Variants in ZNF626 observed in about 807,000 individuals in gnomAD.
ZNF626 encodes the protein CTC-513N18.7.
ZNF626 carries 4 observed loss-of-function variants against 11.7 expected under a neutral mutation model. The ratio of observed to expected loss-of-function variants is 0.34; its 90% CI spans 0.17 to 0.78. ZNF626 has a LOEUF of 0.78. ZNF626 is among the 30% of genes least tolerant of loss of function. ZNF626 has a pLI of 0.57. For synonymous variants in ZNF626, 179 were observed against 198.6 expected (o/e 0.90, Z 0.83); for missense variants, 588 against 587.1 (o/e 1.00, Z -0.01).
rs1969774125 is a variant in ZNF626, at chr19:20,622,905, T to TC, written c.*1384_*1385insG. The TC allele has an allele frequency of 2.6e-5, 4 of 152,172 alleles. No individual in the cohort carries two copies. The South Asian group carries it at 8.3e-4, about 32-fold the overall frequency. 9.4% of individuals were successfully genotyped at this position (152,172 alleles called of 1,614,324 possible). ...CTGCTGTTTTCTAAGCTGTAGTTTT[T>TC]TTTTTTTAAAGTGTTTCCAAATTCA... On this transcript the variant is annotated 3_prime_UTR_variant, in exon 4 of 4. Transcript: ENST00000601440.
intron 3 of ZNF626, among the ~76,000 whole-genome samples, chr19:20,627,487 A>G (rs1251233743): frequency 6.6e-6 from 1 of 152,114 alleles, no homozygotes; most frequent in Non-Finnish European, 1.5e-5. Flanking sequence ...TACCAATACA[A>G]AAAGCAAAAA....
intron 1 of ZNF626, among the ~76,000 whole-genome samples, chr19:20,658,303 T>C (rs1335521579): frequency 1.3e-5 from 2 of 152,208 alleles, no homozygotes; most frequent in East Asian, 3.9e-4. Flanking sequence ...AGATTCTGTA[T>C]CTAGGGGTGG....
At chr19:20,635,673 G>A (rs1402497353) in intron 3 of ZNF626, among the ~76,000 whole-genome samples, 1 of 152,098 alleles carries the variant, frequency 6.6e-6, no homozygotes, top group East Asian at 1.9e-4. Flanking sequence ...TAACGCATAA[G>A]TAAAAATAAA....
At chr19:20,657,645 A>C (rs970486521) in intron 1 of ZNF626, among the ~76,000 whole-genome samples, 1 of 152,170 alleles carries the variant, frequency 6.6e-6, no homozygotes, top group Admixed American at 6.5e-5. Flanking sequence ...CTCTCTACTA[A>C]AAATACAAAA....
intron 3 of ZNF626, among the ~76,000 whole-genome samples, chr19:20,632,301 C>T (rs950737576): frequency 3.9e-5 from 6 of 152,164 alleles, no homozygotes; most frequent in South Asian, 2.1e-4. Flanking sequence ...ATCTTTGTGG[C>T]GTTCTCTGTA....
At chr19:20,647,240 G>C (rs1460855165) in intron 1 of ZNF626, among the ~76,000 whole-genome samples, 1 of 151,854 alleles carries the variant, frequency 6.6e-6, no homozygotes, top group African/African-American at 2.4e-5. Context: ...AACAGCCTGT[G>C]TTTTTCCCAC....
intron 1 of ZNF626, among the ~76,000 whole-genome samples, chr19:20,657,122 C>T (rs2144796160): frequency 6.6e-6 from 1 of 152,242 alleles, no homozygotes; most frequent in East Asian, 1.9e-4. Flanking sequence ...GTAATCCCAG[C>T]ATTTTGGGAG....
chr19:20,624,886 G>A lies in ZNF626; in HGVS notation c.991C>T (p.His331Tyr). 5 of 1,613,862 alleles carry A rather than the reference G, an allele frequency of 3.1e-6. No individual in the cohort carries two copies. The highest frequency in any genetic ancestry group is 2.2e-5 in the East Asian group (1 of 44,856). Residue 331 changes from histidine to tyrosine, a missense_variant, in exon 4 of 4, where the codon CAT becomes TAT. His to Tyr is a moderately conservative substitution (Grantham distance 83, BLOSUM62 2). Transcript: ENST00000601440. ...TTGTCTTCAGTATGAATTCTTTTAT[G>A]TGTAGTAAGGGTATAGGAGTACTTA... ...AFKYSYTLTT[H>Y]KRIHTEDKPY...
In ZNF626 at chr19:20,625,152, G is replaced by C; in HGVS notation, c.725C>G (p.Ser242Cys). The change falls in exon 4 of 4, where the codon TCC (serine) becomes TGC (cysteine). Residue 242 changes from serine (S) to cysteine (C), a missense_variant. Coordinates refer to ENST00000601440, the MANE Select transcript of ZNF626 (RefSeq NM_001076675.3). ...ATTTCTCTTATGTGTAGTAAGAGTGGAGGAGTGCTTAAAGGCTTTGCCACA... is the reference window on the plus strand; with the variant it reads ...ATTTCTCTTATGTGTAGTAAGAGTGCAGGAGTGCTTAAAGGCTTTGCCACA... Reference protein sequence around the residue: ...EECGKAFKHSSTLTTHKRNHT... With the variant: ...EECGKAFKHSCTLTTHKRNHT... The C allele has an allele frequency of 1.2e-6, 2 of 1,612,558 alleles. No individual in the cohort carries two copies.
At chr19:20,638,432 A>AATAAATAAATAC (rs1969988809) in intron 3 of ZNF626, among the ~76,000 whole-genome samples, 1 of 149,974 alleles carries the variant, frequency 6.7e-6, no homozygotes, top group Non-Finnish European at 1.5e-5. Context: ...TGTCTAAATA[A>AATAAATAAATAC]ATAAATAAAT....
At chr19:20,647,966 G>C (rs1469285186) in intron 1 of ZNF626, among the ~76,000 whole-genome samples, 2 of 151,898 alleles carry the variant, frequency 1.3e-5, no homozygotes, top group African/African-American at 4.8e-5. Context: ...GGATCACAAG[G>C]TCAGGAGTTC....
intron 3 of ZNF626, among the ~76,000 whole-genome samples, 179 bp from the exon 4 acceptor site, chr19:20,625,829 C>T (rs935129168): frequency 3.8e-5 from 4 of 106,518 alleles, no homozygotes; most frequent in African/African-American, 1.2e-4. Flanking sequence ...GATCAAAATA[C>T]ATTTGTAAAA....
In ZNF626 at chr19:20,625,280, T is replaced by C. The variant is rs782641421; in HGVS notation, c.597A>G (p.Lys199=). ...TGCCACATTCTTCACATTTGTAGGG[T>C]TTCCCTCCAGTATGAATTTTCTTAT... ...TTHKKIHTGG[K]PYKCEECGKA... The change falls in exon 4 of 4, where the codon AAA becomes AAG. Residue 199 remains lysine, a synonymous_variant. Transcript: ENST00000601440. The C allele has an allele frequency of 1.2e-6, 2 of 1,613,928 alleles. No individual in the cohort carries two copies. Among genetic ancestry groups the C allele is most frequent in the East Asian group, 2.2e-5 (1 of 44,868 alleles).
chr19:20,625,947 C>T (rs782176016), intron 3 of ZNF626, among the ~76,000 whole-genome samples: 3 of 152,158 alleles, frequency 2.0e-5, no homozygotes, highest in African/African-American at 4.8e-5. Context: ...TTTTGCTCTC[C>T]AGTATAACAT....
chr19:20,630,187 T>C (rs181245240), intron 3 of ZNF626, among the ~76,000 whole-genome samples: 105 of 152,284 alleles, frequency 6.9e-4, no homozygotes, highest in African/African-American at 2.5e-3. Flanking sequence ...TTGCCAGTAT[T>C]TTATTGAGGA....
At position 20,624,843 on chromosome 19, in the gene ZNF626, T is replaced by C; in HGVS notation, c.1034A>G (p.Glu345Gly). The change falls in exon 4 of 4, where the codon GAA (glutamate) becomes GGA (glycine). Residue 345 changes from glutamate (E) to glycine (G), a missense_variant. Transcript: ENST00000601440. ...GGAGTACTTAAAGGCTTTGCCACAT[T>C]CTTCACATTTGTAGGGTTTGTCTTC... ...HTEDKPYKCE[E>G]CGKAFKYSST... 6.2e-7 allele frequency: 1 copy of C among 1,613,952 alleles called. No homozygotes were observed. Among genetic ancestry groups the C allele is most frequent in the Non-Finnish European group, 8.5e-7 (1 of 1,179,984 alleles).
intron 3 of ZNF626, among the ~76,000 whole-genome samples, chr19:20,636,621 G>C (rs1969968185): frequency 6.6e-6 from 1 of 150,662 alleles, no homozygotes; most frequent in Non-Finnish European, 1.5e-5. Flanking sequence ...CTTCTAACCA[G>C]TAATACTCGA....
intron 1 of ZNF626, among the ~76,000 whole-genome samples, chr19:20,649,591 T>G (rs1970123232): frequency 6.6e-6 from 1 of 152,176 alleles, no homozygotes; most frequent in Non-Finnish European, 1.5e-5. Context: ...CCCAGAACAA[T>G]AAACAGAAGC....
At chr19:20,633,170 C>T (rs4809080) in intron 3 of ZNF626, among the ~76,000 whole-genome samples, 29,606 of 152,056 alleles carry the variant, frequency 0.19, 3,548 homozygotes, top group East Asian at 0.47. Flanking sequence ...GAGTACCCGG[C>T]CGTGTCAGGT....
Sources: allele counts gnomAD v4.1 joint callset (sites outside exome capture counted in the v4.1 genomes callset), GRCh38; gene constraint gnomAD v4.1.1; transcripts MANE v1.5; gene names NCBI Gene and HGNC (gene_info 2026-07-23, HGNC 2026-07-21).